The following PACS1 variants were observed in gnomAD, a reference collection of about 807,000 sequenced individuals.
PACS1 encodes PACS-1.
Under a neutral mutation model 115.0 loss-of-function variants are expected in PACS1, and 24 were observed. That is an observed-to-expected ratio of 0.21 (90% CI 0.15 to 0.29). The LOEUF (loss-of-function observed/expected upper bound fraction) is 0.29, where lower values mean the gene tolerates loss of function less well. PACS1 is among the 10% of genes least tolerant of loss of function. The pLI is 1.00. For synonymous variants in PACS1, 453 were observed against 504.5 expected, an observed-to-expected ratio of 0.90 and a Z score of 1.37; for missense variants, 838 against 1,251.2, an observed-to-expected ratio of 0.67 and a Z score of 4.98.
At position 66,208,053 on chromosome 11, in the gene PACS1, C is replaced by T. The variant is rs7131192; in HGVS notation, c.445-2309C>T. Among the ~76,000 whole-genome samples, 1,291 of 152,186 alleles carry T rather than the reference C, an allele frequency of 8.5e-3. 17 individuals carry two copies. Among genetic ancestry groups the T allele is most frequent in the African/African-American group, 0.029 (1,213 of 41,532 alleles). On this transcript the variant is annotated intron_variant, in intron 2 of 23. Transcript: ENST00000320580. ...CAAAGTGCCGGGATTACAGGTGCCA[C>T]CACACCCAGGCTTCTGCTGATTTTA...
intron 1 of PACS1, among the ~76,000 whole-genome samples, chr11:66,132,484 T>G (rs1329204428): frequency 6.6e-6 from 1 of 152,312 alleles, no homozygotes; most frequent in South Asian, 2.1e-4. Flanking sequence ...GACACTGTAT[T>G]TGCATATAAC....
chr11:66,235,009 C>T lies in PACS1; in HGVS notation c.2105-292C>T, dbSNP rs1159699404. On this transcript the variant is annotated intron_variant, in intron 17 of 23. Transcript: ENST00000320580. This position sits in a 1 kb window ranked among gnomAD's most constrained non-coding sequence, Gnocchi z 5.6. ...TGGCAAAAGTCTGTGGGGTGAGGCT[C>T]CTCCAGGCCACCGGATGGGTATGTG... Among the ~76,000 whole-genome samples the T allele has an allele frequency of 6.6e-6, 1 of 152,130 alleles. No homozygotes were observed. The highest frequency in any genetic ancestry group is 6.5e-5 in the Admixed American group (1 of 15,272).
At chr11:66,204,649 A>G (rs560896048) in intron 2 of PACS1, among the ~76,000 whole-genome samples, 18 of 152,300 alleles carry the variant, frequency 1.2e-4, no homozygotes, top group African/African-American at 4.3e-4. Flanking sequence ...TGTCATTTGC[A>G]ATAACATGGA....
intron 1 of PACS1, among the ~76,000 whole-genome samples, chr11:66,129,523 G>A (rs1038447108): frequency 4.6e-5 from 7 of 150,966 alleles, no homozygotes; most frequent in Non-Finnish European, 1.0e-4. Flanking sequence ...TATTGCCCAG[G>A]CTGGTCTCGA....
intron 2 of PACS1, among the ~76,000 whole-genome samples, chr11:66,196,941 G>A (rs1312066624): frequency 6.6e-6 from 1 of 152,104 alleles, no homozygotes; most frequent in Non-Finnish European, 1.5e-5. Context: ...TGGAAAACTT[G>A]CTTCTGTCAC....
intron 1 of PACS1, among the ~76,000 whole-genome samples, chr11:66,137,824 A>G (rs1342411031): frequency 2.0e-5 from 3 of 152,240 alleles, no homozygotes; most frequent in Non-Finnish European, 4.4e-5. Context: ...AAATTTGAGC[A>G]TCCCTTCTAT....
chr11:66,096,734 C>T (rs1041386492), intron 1 of PACS1, among the ~76,000 whole-genome samples: 10 of 151,872 alleles, frequency 6.6e-5, no homozygotes, highest in Non-Finnish European at 1.2e-4. Flanking sequence ...AACTCCTGAC[C>T]TCAGATGATC....
chr11:66,213,905 C>A (rs958487187), intron 4 of PACS1, among the ~76,000 whole-genome samples: 3 of 151,822 alleles, frequency 2.0e-5, no homozygotes. Context: ...TGGTGGCGGG[C>A]GCCTGTAGTC....
intron 7 of PACS1, chr11:66,219,523 T>C (rs773309212): frequency 8.0e-5 from 54 of 674,220 alleles, no homozygotes; most frequent in Non-Finnish European, 1.4e-4. Flanking sequence ...GACCTGGGGA[T>C]AGACATTCCT....
chr11:66,216,733 G>T lies in PACS1; in HGVS notation c.936G>T (p.Lys312Asn). ...AAGACGAAGATCTCCGGAAAGTGAA[G>T]AAGACCCGGAGGAAACTAACCTCAA... The part of the protein sequence containing the change: ...FYEDEDLRKV[K>N]KTRRKLTSTS... Residue 312 changes from lysine (K) to asparagine (N), a missense_variant, in exon 7 of 24, where the codon AAG (lysine) becomes AAT (asparagine). By Grantham distance (94) the Lys-to-Asn change is moderately conservative. Around this residue, in one of 6 missense-constraint regions of PACS1, gnomAD observed 223 missense variants for 354.0 expected, o/e 0.63. Transcript: ENST00000320580. 8 of 1,614,028 alleles carry T rather than the reference G, an allele frequency of 5.0e-6. No homozygotes were observed. The highest frequency in any genetic ancestry group is 5.9e-6 in the Non-Finnish European group (7 of 1,179,972).
At chr11:66,201,593 T>C (rs1438852949) in intron 2 of PACS1, among the ~76,000 whole-genome samples, 1 of 147,196 alleles carries the variant, frequency 6.8e-6, no homozygotes, top group East Asian at 2.0e-4. Flanking sequence ...AAAGAAATAA[T>C]GAACATCATA....
chr11:66,121,249 G>A (rs147694961), intron 1 of PACS1, among the ~76,000 whole-genome samples: 7 of 152,248 alleles, frequency 4.6e-5, no homozygotes, highest in African/African-American at 1.7e-4. Context: ...CGTGCGAGAC[G>A]TTAGACGTAA....
intron 7 of PACS1, chr11:66,218,258 T>A (rs1304089407): frequency 6.6e-6 from 1 of 152,002 alleles, no homozygotes; most frequent in East Asian, 1.9e-4. Flanking sequence ...AGATGGCGAG[T>A]CTGTCATTCA....
intron 1 of PACS1, among the ~76,000 whole-genome samples, chr11:66,172,566 C>T (rs1209416835): frequency 6.6e-6 from 1 of 152,190 alleles, no homozygotes; most frequent in Non-Finnish European, 1.5e-5. Context: ...GCAGATCCTG[C>T]AGCCCCCTCA....
intron 4 of PACS1, among the ~76,000 whole-genome samples, chr11:66,215,902 A>AAATAAT (rs71461611): frequency 2.6e-4 from 36 of 136,990 alleles, no homozygotes; most frequent in East Asian, 6.3e-4. Flanking sequence ...TCCGTCTCAA[A>AAATAAT]AATAATAATA....
At chr11:66,099,348 C>T (rs1049252453) in intron 1 of PACS1, among the ~76,000 whole-genome samples, 4 of 152,090 alleles carry the variant, frequency 2.6e-5, no homozygotes, top group Non-Finnish European at 4.4e-5. Context: ...CTCAGCCTCC[C>T]GAGTAGCTGG....
Position 66,235,340 on chromosome 11 carries a change from A to T in PACS1, c.2144A>T (p.Asn715Ile), listed in dbSNP as rs114931059. 1 of 1,614,082 alleles carries T rather than the reference A, an allele frequency of 6.2e-7. No homozygotes were observed. The highest frequency in any genetic ancestry group is 1.1e-5 in the South Asian group (1 of 91,072). Residue 715 changes from asparagine to isoleucine, a missense_variant, in exon 18 of 24, where the codon AAC becomes ATC. Physicochemically the swap from Asn to Ile is moderately radical, Grantham distance 149. This residue lies in a region of PACS1 where 383 missense variants were observed against 537.0 expected (regional missense o/e 0.71). Coordinates refer to ENST00000320580, the MANE Select transcript of PACS1 (RefSeq NM_018026.4). This position sits in a 1 kb window ranked among gnomAD's most constrained non-coding sequence, Gnocchi z 5.6. ...GCAGGGCGGGTGATGCAGTACGTCA[A>T]CGGGGCAGCCACGACACACCAGCTT... ...DVAGRVMQYV[N>I]GAATTHQLPV...
intron 21 of PACS1, chr11:66,241,172 G>C (rs985905701): frequency 4.3e-6 from 2 of 469,076 alleles, no homozygotes; most frequent in Non-Finnish European, 7.8e-6. Flanking sequence ...TTCCTTCTCT[G>C]CTGCCCTTGT....
chr11:66,143,840 A>G (rs1859058657), intron 1 of PACS1, among the ~76,000 whole-genome samples: 1 of 152,100 alleles, frequency 6.6e-6, no homozygotes, highest in Non-Finnish European at 1.5e-5. Flanking sequence ...GGGTTTTGCT[A>G]TGTTGGCCAG....
Sources: gnomAD v4.1 joint callset for allele counts (sites outside exome capture counted in the v4.1 genomes callset) on GRCh38, gnomAD v4.1.1 for gene constraint, gnomAD v4.1.1 regional missense constraint, Gnocchi (gnomAD v3.1) non-coding constraint, MANE v1.5 for transcripts, NCBI Gene and HGNC (gene_info 2026-07-23, HGNC 2026-07-21) for gene names.